Variants in SLC2A13 observed in about 807,000 individuals in gnomAD.
SLC2A13 encodes the protein solute carrier family 2 member 13.
Under a neutral mutation model 64.4 loss-of-function variants are expected in SLC2A13, and 32 were observed. The observed-to-expected ratio is 0.50, with a 90% CI of 0.37 to 0.67. The LOEUF (loss-of-function observed/expected upper bound fraction) is 0.67, where lower values mean the gene tolerates loss of function less well. Among genes scored for constraint, SLC2A13 ranks in the 30% least tolerant of loss-of-function variants. SLC2A13 has a pLI of 0.00. For synonymous variants in SLC2A13, 338 were observed against 327.1 expected (o/e 1.03, Z -0.36); for missense variants, 743 against 829.2 (o/e 0.90, Z 1.28).
intron 7 of SLC2A13, chr12:39,829,389 A>ATTATTTTTTTTTTT (rs1452679878): frequency 1.5e-5 from 1 of 65,780 alleles, no homozygotes; most frequent in African/African-American, 6.7e-5. Context: ...TGTGATAGTA[A>ATTATTTTTTTTTTT]TTCTTTTTTT....
At chr12:39,853,168 C>T (rs532269010) in intron 6 of SLC2A13, among the ~76,000 whole-genome samples, 4 of 152,234 alleles carry the variant, frequency 2.6e-5, no homozygotes, top group South Asian at 4.1e-4. Flanking sequence ...TGCCTAGTTA[C>T]GCTCACAAAG....
chr12:39,785,486 G>A (rs1181102636), intron 7 of SLC2A13, among the ~76,000 whole-genome samples: 2 of 152,192 alleles, frequency 1.3e-5, no homozygotes, highest in Non-Finnish European at 1.5e-5. Flanking sequence ...CAGGGGCGAG[G>A]CCCTCATGGA....
At chr12:39,761,975 G>C (rs1940168749) in intron 9 of SLC2A13, among the ~76,000 whole-genome samples, 1 of 152,040 alleles carries the variant, frequency 6.6e-6, no homozygotes, top group Non-Finnish European at 1.5e-5. Context: ...AACATTTGTT[G>C]GGTTAGGAAG....
chr12:39,897,042 G>A (rs981452156), intron 4 of SLC2A13, among the ~76,000 whole-genome samples: 6 of 152,104 alleles, frequency 3.9e-5, no homozygotes, highest in East Asian at 1.9e-4. Flanking sequence ...CTAACCCTTA[G>A]TTCAATGCTT....
chr12:39,978,207 C>T (rs1946800020), intron 3 of SLC2A13, among the ~76,000 whole-genome samples: 3 of 152,178 alleles, frequency 2.0e-5, no homozygotes, highest in Admixed American at 6.5e-5. Context: ...CAAATGGCAG[C>T]ATCACAAAAA....
chr12:39,984,696 GT>G (rs1946996214), intron 3 of SLC2A13, among the ~76,000 whole-genome samples: 1 of 152,008 alleles, frequency 6.6e-6, no homozygotes, highest in Non-Finnish European at 1.5e-5. Context: ...TACTTAAAAG[GT>G]AGTCAACAGT....
chr12:39,920,090 C>T (rs1457287841), intron 4 of SLC2A13, among the ~76,000 whole-genome samples: 2 of 152,010 alleles, frequency 1.3e-5, no homozygotes, highest in Non-Finnish European at 2.9e-5. Flanking sequence ...GGGAATTTAC[C>T]TTCTTACATG....
intron 6 of SLC2A13, among the ~76,000 whole-genome samples, chr12:39,832,652 C>T (rs1405055366): frequency 6.6e-6 from 1 of 152,040 alleles, no homozygotes; most frequent in African/African-American, 2.4e-5. Flanking sequence ...AGTCACTGCC[C>T]TCGTGAAGCT....
Position 39,758,329 on chromosome 12 carries a change from G to A in SLC2A13, c.*1697C>T, listed in dbSNP as rs1940024522. Reference sequence around the variant, plus strand: ...ACTTCCTCAGCTGTATTCTCAGCTTGATAACTGTGATAGGAACAAGCCAGA... The same window carrying A: ...ACTTCCTCAGCTGTATTCTCAGCTTAATAACTGTGATAGGAACAAGCCAGA... On this transcript the variant is annotated 3_prime_UTR_variant, in exon 10 of 10. Coordinates refer to ENST00000280871, the MANE Select transcript of SLC2A13 (RefSeq NM_052885.4). 6.6e-6 allele frequency: 1 copy of A among 151,834 alleles called. No individual in the cohort carries two copies. Among genetic ancestry groups the A allele is most frequent in the Non-Finnish European group, 1.5e-5 (1 of 67,752 alleles). The allele number at this position is 151,834 out of a possible 1,614,324, so 9.4% of individuals were successfully genotyped here.
intron 7 of SLC2A13, among the ~76,000 whole-genome samples, chr12:39,822,839 T>C (rs1433172208): frequency 1.3e-5 from 2 of 152,244 alleles, no homozygotes; most frequent in African/African-American, 4.8e-5. Flanking sequence ...ATATCGCTAC[T>C]TGGATAAAAC....
chr12:39,831,729 A>G (rs1315230950), intron 6 of SLC2A13, among the ~76,000 whole-genome samples: 3 of 152,050 alleles, frequency 2.0e-5, no homozygotes, highest in African/African-American at 4.8e-5. Context: ...CTCAGTTCAC[A>G]TGAGATCTGG....
intron 3 of SLC2A13, among the ~76,000 whole-genome samples, chr12:39,959,059 A>G (rs1946364714): frequency 6.6e-6 from 1 of 152,218 alleles, no homozygotes; most frequent in East Asian, 1.9e-4. Flanking sequence ...AAGAAGAGAA[A>G]AAAAGAGAAA....
At chr12:39,849,357 CT>C (rs1271180852) in intron 6 of SLC2A13, among the ~76,000 whole-genome samples, 3 of 152,052 alleles carry the variant, frequency 2.0e-5, no homozygotes, top group African/African-American at 7.2e-5. Flanking sequence ...GAAAGGTGAC[CT>C]AAAAGTCTCA....
chr12:39,985,394 T>C (rs1253043291), intron 3 of SLC2A13, among the ~76,000 whole-genome samples: 1 of 152,128 alleles, frequency 6.6e-6, no homozygotes, highest in East Asian at 1.9e-4. Flanking sequence ...AAAAGTGAAA[T>C]AAAATTATTC....
intron 3 of SLC2A13, among the ~76,000 whole-genome samples, chr12:39,979,459 A>C (rs200105451): frequency 0.096 from 13,942 of 144,924 alleles, 811 homozygotes; most frequent in East Asian, 0.2. Context: ...TAGAATAACC[A>C]ATACAGAGAA....
chr12:39,929,674 T>C (rs1945790637), intron 4 of SLC2A13, among the ~76,000 whole-genome samples: 1 of 152,206 alleles, frequency 6.6e-6, no homozygotes, highest in Non-Finnish European at 1.5e-5. Context: ...GGCAGGATAC[T>C]GGAGGCTGCA....
intron 2 of SLC2A13, among the ~76,000 whole-genome samples, chr12:40,037,377 G>C (rs1948006684): frequency 6.6e-6 from 1 of 152,058 alleles, no homozygotes; most frequent in Non-Finnish European, 1.5e-5. Context: ...TCAGCAATTT[G>C]GTAGGCTGCA....
intron 9 of SLC2A13, among the ~76,000 whole-genome samples, 173 bp downstream of exon 9, chr12:39,764,287 C>T (rs1940269138): frequency 6.6e-6 from 1 of 152,054 alleles, no homozygotes; most frequent in Non-Finnish European, 1.5e-5. Flanking sequence ...GAGAATCCCT[C>T]TCTTCTTTCC....
intron 1 of SLC2A13, among the ~76,000 whole-genome samples, chr12:40,072,928 G>T (rs367619356): frequency 1.3e-5 from 2 of 151,764 alleles, no homozygotes; most frequent in African/African-American, 4.8e-5. Context: ...TCTTATTTTT[G>T]TCATTCACCC....
Sources: allele counts gnomAD v4.1 joint callset (sites outside exome capture counted in the v4.1 genomes callset), GRCh38; gene constraint gnomAD v4.1.1; transcripts MANE v1.5; gene names NCBI Gene and HGNC (gene_info 2026-07-23, HGNC 2026-07-21).